Variants in ARSG observed in about 807,000 individuals in gnomAD.
The protein encoded by ARSG is ASG.
ARSG carries 37 observed loss-of-function variants against 50.5 expected under a neutral mutation model. That is an observed-to-expected ratio of 0.73 (90% CI 0.56 to 0.96). ARSG has a LOEUF of 0.96. ARSG is among the 50% of genes least tolerant of loss of function. The pLI, the probability that ARSG is intolerant of heterozygous loss-of-function variation, is 0.00. For missense variants in ARSG, 629 were observed against 675.3 expected (o/e 0.93, Z 0.76); for synonymous variants, 225 against 254.6 (o/e 0.88, Z 1.11).
intron 1 of ARSG, among the ~76,000 whole-genome samples, chr17:68,263,282 T>A (rs576434251): frequency 1.3e-5 from 2 of 152,200 alleles, no homozygotes; most frequent in East Asian, 3.8e-4. Flanking sequence ...TCCTTACTTA[T>A]GCAACGGCGG....
chr17:68,421,582 G>A (rs1003450159), downstream of ARSG: 73 of 674,418 alleles, frequency 1.1e-4, no homozygotes, highest in South Asian at 1.1e-3. Context: ...TGTCTCCCGC[G>A]CCCATTGGCA....
chr17:68,402,518 T>TTTTTTG (rs902584606), intron 11 of ARSG, among the ~76,000 whole-genome samples: 3 of 146,890 alleles, frequency 2.0e-5, no homozygotes, highest in African/African-American at 7.6e-5. Flanking sequence ...CCTGTACTAG[T>TTTTTTG]TTTTTGTTTT....
chr17:68,281,226 A>C (rs1365311343), intron 1 of ARSG, among the ~76,000 whole-genome samples: 4 of 152,132 alleles, frequency 2.6e-5, no homozygotes, highest in African/African-American at 9.7e-5. Flanking sequence ...ATATACAAGG[A>C]ACTCAAACAT....
chr17:68,311,477 G>A (rs1265053658), intron 2 of ARSG, among the ~76,000 whole-genome samples: 2 of 152,120 alleles, frequency 1.3e-5, no homozygotes, highest in African/African-American at 4.8e-5. Flanking sequence ...ACCTCAGAAT[G>A]TGACCATATT....
chr17:68,401,219 T>G, intron 10 of ARSG, 141 bp from the exon 11 acceptor site: 1 of 701,118 alleles, frequency 1.4e-6, no homozygotes, highest in Non-Finnish European at 2.5e-6. Flanking sequence ...GGAGGGGTCT[T>G]GCTGTGTTGC....
intron 2 of ARSG, among the ~76,000 whole-genome samples, chr17:68,312,766 G>A (rs1555767211): frequency 6.6e-6 from 1 of 152,076 alleles, no homozygotes; most frequent in Non-Finnish European, 1.5e-5. Flanking sequence ...ATTCATCGCT[G>A]GTTTCTCCCA....
chr17:68,265,831 C>T (rs1488855411), intron 1 of ARSG, among the ~76,000 whole-genome samples: 1 of 149,842 alleles, frequency 6.7e-6, no homozygotes, highest in East Asian at 2.0e-4. Flanking sequence ...ATTCACATTT[C>T]AGTATCCGTA....
rs1364289621 is a variant in ARSG, at chr17:68,337,871, C to T, written c.219-5733C>T. On this transcript the variant is annotated intron_variant, in intron 2 of 11. Coordinates refer to ENST00000621439, the MANE Select transcript of ARSG (RefSeq NM_001267727.2). ...ACCTCAGGTGATCCGCCTGCCTTGGCCTCCCAAAGTGCTGGGATTACAGGT... is the reference window on the plus strand; with the variant it reads ...ACCTCAGGTGATCCGCCTGCCTTGGTCTCCCAAAGTGCTGGGATTACAGGT... Among the ~76,000 whole-genome samples the T allele has an allele frequency of 6.6e-5, 10 of 152,228 alleles. No individual in the cohort carries two copies. In the East Asian group the frequency reaches 1.9e-3, roughly 29 times the overall value.
intron 8 of ARSG, chr17:68,379,732 T>G (rs2080337856): frequency 4.1e-6 from 3 of 738,184 alleles, no homozygotes; most frequent in Non-Finnish European, 5.0e-6. Context: ...AGGAATTCAA[T>G]ATGCTGGAGA....
chr17:68,295,645 A>G (rs1220614306), intron 1 of ARSG, among the ~76,000 whole-genome samples: 1 of 149,234 alleles, frequency 6.7e-6, no homozygotes, highest in Admixed American at 6.7e-5. Flanking sequence ...CCTGGGCAAC[A>G]CGGCAAGACA....
At chr17:68,278,922 T>C (rs1186603509) in intron 1 of ARSG, among the ~76,000 whole-genome samples, 2 of 152,018 alleles carry the variant, frequency 1.3e-5, no homozygotes, top group Non-Finnish European at 2.9e-5. Flanking sequence ...ACCCAGCTGA[T>C]TGTTGAATAT....
chr17:68,267,174 G>T lies in ARSG; in HGVS notation c.-552+7748G>T, dbSNP rs1599477124. 5 of 152,264 alleles carry T rather than the reference G, an allele frequency of 3.3e-5. 1 individual carries two copies. Among genetic ancestry groups the T allele is most frequent in the African/African-American group, 1.2e-4 (5 of 41,562 alleles). 9.4% of individuals were successfully genotyped at this position (152,264 alleles called of 1,614,324 possible). On this transcript the variant is annotated intron_variant, in intron 1 of 11. Transcript: ENST00000448504. Reference sequence around the variant, plus strand: ...ACATACTGAAATTGGCATACATTTTGTTTTCATGCAGATAACAGAATAGAC... The same window carrying T: ...ACATACTGAAATTGGCATACATTTTTTTTTCATGCAGATAACAGAATAGAC...
intron 1 of ARSG, among the ~76,000 whole-genome samples, chr17:68,292,294 G>A (rs1472716302): frequency 6.6e-6 from 1 of 152,156 alleles, no homozygotes; most frequent in Non-Finnish European, 1.5e-5. Context: ...CCCGCGGGGA[G>A]CCCTCTGTAA....
chr17:68,322,696 G>A (rs1272470136), intron 2 of ARSG, among the ~76,000 whole-genome samples: 6 of 152,122 alleles, frequency 3.9e-5, no homozygotes, highest in Admixed American at 2.0e-4. Context: ...ACAAGCCCAC[G>A]GGGAGATTAC....
chr17:68,359,233 C>T (rs1292584021), intron 6 of ARSG, among the ~76,000 whole-genome samples: 4 of 152,096 alleles, frequency 2.6e-5, no homozygotes, highest in Admixed American at 2.6e-4. Flanking sequence ...AAAACAAAAC[C>T]ATACCACAGT....
chr17:68,343,281 T>C (rs1433141815), intron 2 of ARSG, among the ~76,000 whole-genome samples: 5 of 152,132 alleles, frequency 3.3e-5, no homozygotes, highest in Non-Finnish European at 5.9e-5. Flanking sequence ...CTCAGCCTCC[T>C]GAGTAGCCGG....
intron 2 of ARSG, among the ~76,000 whole-genome samples, chr17:68,314,525 CAAAAA>C (rs57021660): frequency 1.0e-4 from 12 of 116,996 alleles, no homozygotes; most frequent in South Asian, 2.9e-4. Flanking sequence ...GACTCCATCT[CAAAAA>C]AAAAAAAAAA....
At chr17:68,313,492 C>T (rs188610325) in intron 2 of ARSG, among the ~76,000 whole-genome samples, 2 of 152,204 alleles carry the variant, frequency 1.3e-5, no homozygotes, top group South Asian at 2.1e-4. Context: ...GACTCCCCTC[C>T]TCTAATAAAA....
rs191467731 is a variant in ARSG, at chr17:68,274,202, A to G, written c.-552+14776A>G. On this transcript the variant is annotated intron_variant, in intron 1 of 11. Coordinates refer to the ARSG transcript ENST00000448504. Reference sequence around the variant, plus strand: ...TAAATATGGCCGAGCGCAGTGGCTCATGCCTGTAATCCCAGCACTTTGGGA... The same window carrying G: ...TAAATATGGCCGAGCGCAGTGGCTCGTGCCTGTAATCCCAGCACTTTGGGA... The G allele has an allele frequency of 8.2e-5, 76 of 924,712 alleles. 1 individual carries two copies. In the East Asian group the frequency reaches 2.0e-3, roughly 24 times the overall value. 57.3% of individuals were successfully genotyped at this position (924,712 alleles called of 1,614,324 possible). A position where few individuals can be genotyped will look rare whatever the true frequency, so the allele number is the denominator to read the frequency against.
Sources: allele counts gnomAD v4.1 joint callset (sites outside exome capture counted in the v4.1 genomes callset), GRCh38; gene constraint gnomAD v4.1.1; transcripts MANE v1.5; gene names NCBI Gene and HGNC (gene_info 2026-07-23, HGNC 2026-07-21).